The following SACS variants were observed in gnomAD, a reference collection of about 807,000 sequenced individuals.
SACS encodes the protein sacsin.
A neutral mutation model predicts 348.0 loss-of-function variants in SACS; 197 were observed. That is an observed-to-expected ratio of 0.57 (90% CI 0.50 to 0.64). The LOEUF is 0.64. SACS is among the 30% of genes least tolerant of loss of function. The pLI is 0.00. For synonymous variants in SACS, 1,985 were observed against 1,910.6 expected, an observed-to-expected ratio of 1.04 and a Z score of -1.02; for missense variants, 4,999 against 5,360.8, an observed-to-expected ratio of 0.93 and a Z score of 2.11.
intron 6 of SACS, among the ~76,000 whole-genome samples, chr13:23,360,696 ATAAG>A (rs903643415): frequency 1.2e-4 from 18 of 152,088 alleles, no homozygotes; most frequent in African/African-American, 2.7e-4. Context: ...AAAAATGCAA[ATAAG>A]TAAGTGTTTT....
In SACS at chr13:23,336,327, T is replaced by G. The variant is rs981633088; in HGVS notation, c.7549A>C (p.Thr2517Pro). ...ERYASNVCFT[T>P]LGTEFGQKEK... ...TTCTGCCCAAATTCTGTGCCAAGTG[T>G]TGTAAAACAGACATTGGATGCATAT... is the stretch of plus-strand genomic sequence containing the variant. Residue 2517 changes from threonine to proline, a missense_variant, in exon 10 of 10, where the codon ACA becomes CCA. Transcript: ENST00000382292. 6.2e-7 allele frequency: 1 copy of G among 1,614,126 alleles called. No individual in the cohort carries two copies. The highest frequency in any genetic ancestry group is 1.3e-5 in the African/African-American group (1 of 75,068).
intron 7 of SACS, among the ~76,000 whole-genome samples, chr13:23,357,776 T>C (rs1181906129): frequency 6.6e-6 from 1 of 152,220 alleles, no homozygotes; most frequent in African/African-American, 2.4e-5. Flanking sequence ...AGAAACCTCA[T>C]ATTCTTTCTA....
Position 23,335,410 on chromosome 13 carries a change from A to G in SACS, c.8466T>C (p.Asn2822=). 6.2e-7 allele frequency: 1 copy of G among 1,613,970 alleles called. No homozygotes were observed. Among genetic ancestry groups the G allele is most frequent in the Non-Finnish European group, 8.5e-7 (1 of 1,179,904 alleles). The change falls in exon 10 of 10, where the codon AAT becomes AAC. Residue 2822 remains asparagine, a synonymous_variant. Coordinates refer to ENST00000382292, the MANE Select transcript of SACS (RefSeq NM_014363.6). This position sits in a 1 kb window ranked among gnomAD's most constrained non-coding sequence, Gnocchi z 4.7. ...TCTCCATACTTGAAAAGCCTGATCT[A>G]TTACAAATTAGCCACGTAGTAAGAT... ...EGNLTTWLIC[N]RSGFSSMEKV...
chr13:23,393,803 A>C (rs558434009), intron 2 of SACS, among the ~76,000 whole-genome samples: 2 of 151,698 alleles, frequency 1.3e-5, no homozygotes, highest in African/African-American at 2.4e-5. Context: ...CACTGTCACC[A>C]AGGCTGGAGT....
At chr13:23,375,297 G>GGGCTGC (rs1174555886) in intron 2 of SACS, 28 bp from the exon 3 acceptor site, 2 of 1,399,058 alleles carry the variant, frequency 1.4e-6, no homozygotes, top group Non-Finnish European at 1.9e-6. Context: ...ACGCTCAGTC[G>GGGCTGC]GGCTGCGGCT....
Position 23,334,887 on chromosome 13 carries a change from G to A in SACS, c.8989C>T (p.Arg2997Trp), listed in dbSNP as rs766391058. Residue 2997 changes from arginine (R) to tryptophan (W), a missense_variant, in exon 10 of 10, where the codon CGG becomes TGG. Around this residue, in one of 6 missense-constraint regions of SACS, gnomAD observed 734 missense variants for 694.0 expected, o/e 1.06. Coordinates refer to ENST00000382292, the MANE Select transcript of SACS (RefSeq NM_014363.6). ...EDMKRLLPVV[R>W]APNIDGSDLH... ...TCAGAGCCATCAATATTTGGAGCCCGCACAACAGGTAAAAGACGTTTCATG... is the reference window on the plus strand; with the variant it reads ...TCAGAGCCATCAATATTTGGAGCCCACACAACAGGTAAAAGACGTTTCATG... 9 of 1,613,680 alleles carry A rather than the reference G, an allele frequency of 5.6e-6. No homozygotes were observed. The highest frequency in any genetic ancestry group is 5.1e-6 in the Non-Finnish European group (6 of 1,179,824).
At position 23,329,845 on chromosome 13, in the gene SACS, A is replaced by C. The variant is rs1380657368; in HGVS notation, c.*291T>G. On this transcript the variant is annotated 3_prime_UTR_variant, in exon 10 of 10. Transcript: ENST00000382292. ...AGACATACATAGACTCTTATCTAAC[A>C]AACTGCTAAGCTTTGGTTATATAAA... is the stretch of plus-strand genomic sequence containing the variant. 1 of 501,548 alleles carries C rather than the reference A, an allele frequency of 2.0e-6. No homozygotes were observed. The highest frequency in any genetic ancestry group is 3.7e-5 in the East Asian group (1 of 27,330). The allele number at this position is 501,548 out of a possible 1,614,324, so 31.1% of individuals were successfully genotyped here.
chr13:23,337,742 A>G lies in SACS; in HGVS notation c.6134T>C (p.Ile2045Thr). ...CTCTGAAAATGTGTTTTCAAGTAGT[A>G]TCTGTTTGCAGCCAGCTTCTTCAAA... ...LGFEEAGCKQ[I>T]LLENTFSEKQ... The change falls in exon 10 of 10, where the codon ATA becomes ACA. Residue 2045 changes from isoleucine to threonine, a missense_variant. By Grantham distance (89) the Ile-to-Thr change is moderately conservative (BLOSUM62 -1). Transcript: ENST00000382292. 1 of 1,613,896 alleles carries G rather than the reference A, an allele frequency of 6.2e-7. No individual in the cohort carries two copies. The highest frequency in any genetic ancestry group is 8.5e-7 in the Non-Finnish European group (1 of 1,179,964).
intron 9 of SACS, 141 bp downstream of exon 9, chr13:23,353,644 A>AT: frequency 1.6e-6 from 1 of 606,318 alleles, no homozygotes; most frequent in African/African-American, 1.9e-5. Flanking sequence ...GGCAACTGAA[A>AT]TATCTTAAAA....
rs959747340 is a variant in SACS at position 23,370,994 on chromosome 13, A to AAACC, written c.259+80_259+83dup. 69 of 921,578 alleles carry AAACC rather than the reference A, an allele frequency of 7.5e-5. 1 individual carries two copies. In the Middle Eastern group the frequency reaches 1.1e-3, roughly 15 times the overall value. 57.1% of individuals were successfully genotyped at this position (921,578 alleles called of 1,614,324 possible). A position where few individuals can be genotyped will look rare whatever the true frequency, so the allele number is the denominator to read the frequency against. ...GCGATAGGGCGAGACTCAGTTTCAA[A>AAACC]AACCAACCAAACAAACAAACAAAAA... On this transcript the variant is annotated intron_variant, in intron 4 of 9. Transcript: ENST00000382292.
At chr13:23,374,461 T>A (rs1029135260) in intron 3 of SACS, among the ~76,000 whole-genome samples, 1 of 152,244 alleles carries the variant, frequency 6.6e-6, no homozygotes, top group African/African-American at 2.4e-5. Flanking sequence ...CACATGAAGA[T>A]GTTTATTAGA....
intron 9 of SACS, among the ~76,000 whole-genome samples, chr13:23,350,137 G>C (rs1869861128): frequency 6.6e-6 from 1 of 152,170 alleles, no homozygotes; most frequent in Admixed American, 6.5e-5. Flanking sequence ...GGAATACCAA[G>C]CTTCTGGGAG....
chr13:23,380,122 CGTGT>C (rs34243922), intron 2 of SACS, among the ~76,000 whole-genome samples: 3 of 116,420 alleles, frequency 2.6e-5, no homozygotes, highest in African/African-American at 2.9e-5. Context: ...GGGATTCCCT[CGTGT>C]GTGTGTGTGT....
intron 7 of SACS, among the ~76,000 whole-genome samples, chr13:23,357,281 C>T (rs535091743): frequency 6.6e-6 from 1 of 152,218 alleles, no homozygotes; most frequent in South Asian, 2.1e-4. Context: ...TGTGGGATAA[C>T]TTACAAAGAG....
chr13:23,406,352 G>A (rs1189810241), intron 2 of SACS, among the ~76,000 whole-genome samples: 1 of 151,890 alleles, frequency 6.6e-6, no homozygotes, highest in Admixed American at 6.6e-5. Flanking sequence ...ACACGGTGGG[G>A]GGAAACACCA....
chr13:23,332,305 C>A lies in SACS; in HGVS notation c.11571G>T (p.Leu3857Phe). Residue 3857 changes from leucine (L) to phenylalanine (F), a missense_variant, in exon 10 of 10, where the codon TTG becomes TTT. By Grantham distance (22) the Leu-to-Phe change is conservative. This residue lies in a region of SACS where 831 missense variants were observed against 941.8 expected (regional missense o/e 0.88). Transcript: ENST00000382292. ...IISTKQYVEV[L>F]SRIFKNSEGK... ...CCTCAGAATTTTTAAATATGCGGCT[C>A]AACACTTCAACATATTGCTTAGTTG... The A allele has an allele frequency of 6.2e-7, 1 of 1,613,900 alleles. No individual in the cohort carries two copies. The highest frequency in any genetic ancestry group is 8.5e-7 in the Non-Finnish European group (1 of 1,179,906).
In SACS at chr13:23,411,407, T is replaced by C; in HGVS notation, c.-168A>G. On this transcript the variant is annotated 5_prime_UTR_variant, in exon 2 of 10. Coordinates refer to ENST00000382292, the MANE Select transcript of SACS (RefSeq NM_014363.6). The stretch of plus-strand genomic sequence containing the variant: ...CCTTCAGTGTCCATTCATCATCTGA[T>C]GTCAGGAAACATTGTCGTGTGTTGC... 1.5e-6 allele frequency: 1 copy of C among 669,464 alleles called. No homozygotes were observed. The highest frequency in any genetic ancestry group is 2.7e-6 in the Non-Finnish European group (1 of 370,824). The allele number at this position is 669,464 out of a possible 1,614,324, so 41.5% of individuals were successfully genotyped here.
Position 23,341,245 on chromosome 13 carries a change from C to T in SACS, c.2631G>A (p.Leu877=), listed in dbSNP as rs1566071877. 3 of 1,613,858 alleles carry T rather than the reference C, an allele frequency of 1.9e-6. No homozygotes were observed. The highest frequency in any genetic ancestry group is 2.5e-6 in the Non-Finnish European group (3 of 1,179,938). Residue 877 remains leucine (L), a synonymous_variant, in exon 10 of 10, where the codon TTG becomes TTA. Transcript: ENST00000382292. ...GCAATGGCATCTTCTCCATTATCTG[C>T]AAAACAGCACTTGGTAATGGTGAAT... The part of the protein sequence containing the change: ...YIHSPLPSAV[L]QIMEKMPLQK...
Position 23,334,950 on chromosome 13 carries a change from A to G in SACS, c.8926T>C (p.Cys2976Arg), listed in dbSNP as rs1868435967. ...CAATTGTAAAGTGCTTTCACTAGAC[A>G]ATATAAATCTGGCTGTAGATCAAGA... ...NRLDLQPDLY[C>R]LVKALYNCIH... The change falls in exon 10 of 10, where the codon TGT becomes CGT. Residue 2976 changes from cysteine (C) to arginine (R), a missense_variant. By Grantham distance (180) the Cys-to-Arg change is radical. This residue lies in a region of SACS where 734 missense variants were observed against 694.0 expected (regional missense o/e 1.06). Transcript: ENST00000382292. 3.7e-6 allele frequency: 6 copies of G among 1,613,836 alleles called. No individual in the cohort carries two copies. The highest frequency in any genetic ancestry group is 3.3e-5 in the South Asian group (3 of 91,080).
Sources: allele counts gnomAD v4.1 joint callset (sites outside exome capture counted in the v4.1 genomes callset), GRCh38; gene constraint gnomAD v4.1.1; regional missense constraint gnomAD v4.1.1; non-coding constraint Gnocchi (gnomAD v3.1); transcripts MANE v1.5; gene names NCBI Gene and HGNC (gene_info 2026-07-23, HGNC 2026-07-21).